The following TARDBP variants were observed in gnomAD, a reference collection of about 807,000 sequenced individuals.
TARDBP encodes the protein TAR DNA-binding protein 43.
A neutral mutation model predicts 38.3 loss-of-function variants in TARDBP; 4 were observed. The observed-to-expected ratio is 0.10, with a 90% confidence interval of 0.05 to 0.24. TARDBP has a LOEUF of 0.24. TARDBP is among the 10% of genes least tolerant of loss of function. The pLI, the probability that TARDBP is intolerant of heterozygous loss-of-function variation, is 1.00. For synonymous variants in TARDBP, 184 were observed against 183.8 expected, an observed-to-expected ratio of 1.00 and a Z score of -0.01; for missense variants, 202 against 521.9, an observed-to-expected ratio of 0.39 and a Z score of 5.97.
At chr1:11,013,583 A>G (rs940971679) in intron 1 of TARDBP, 133 bp from the exon 2 acceptor site, 9 of 722,716 alleles carry the variant, frequency 1.2e-5, no homozygotes, top group African/African-American at 8.7e-5. Context: ...TTTCAGGGAT[A>G]ACCAATGCAT....
chr1:11,020,439 A>G lies in TARDBP; in HGVS notation c.554A>G (p.Asp185Gly). 1 of 1,614,082 alleles carries G rather than the reference A, an allele frequency of 6.2e-7. No individual in the cohort carries two copies. Among genetic ancestry groups the G allele is most frequent in the Non-Finnish European group, 8.5e-7 (1 of 1,180,002 alleles). Residue 185 changes from aspartate (D) to glycine (G), a missense_variant, in exon 5 of 6, where the codon GAT (aspartate) becomes GGT (glycine). By Grantham distance (94) the Asp-to-Gly change is moderately conservative (BLOSUM62 -1). Around this residue, in one of 5 missense-constraint regions of TARDBP, gnomAD observed 71 missense variants for 185.4 expected, o/e 0.38. Transcript: ENST00000240185. ...CKLPNSKQSQ[D>G]EPLRSRKVFV... ...TTTTGATTTGATCAGCAAAGCCAAG[A>G]TGAGCCTTTGAGAAGCAGAAAAGTG...
chr1:11,013,995 G>A, intron 2 of TARDBP, 30 bp downstream of exon 2: 1 of 1,604,834 alleles, frequency 6.2e-7, no homozygotes, highest in Non-Finnish European at 8.5e-7. Flanking sequence ...TTGTAATCAT[G>A]CTGAAGTGTG....
intron 1 of TARDBP, 29 bp from the exon 2 acceptor site, chr1:11,013,687 T>G (rs1158808830): frequency 3.4e-6 from 5 of 1,475,978 alleles, no homozygotes; most frequent in Non-Finnish European, 4.7e-6. Context: ...GACATGAATG[T>G]TGTTCATTCA....
At chr1:11,027,520 T>C, downstream of TARDBP, 1 of 1,614,170 alleles carries the variant, frequency 6.2e-7, no homozygotes, top group Non-Finnish European at 8.5e-7. Context: ...AGGACCCAGT[T>C]GTCATATAAA....
At position 11,013,700 on chromosome 1, in the gene TARDBP, T is replaced by C. The variant is rs377639252; in HGVS notation, c.-12-16T>C. ...CTGACATGAATGTTGTTCATTCATA[T>C]CTCTTTTCTCTTTAGGAAAAGTAAA... On this transcript the variant is annotated splice_polypyrimidine_tract_variant and intron_variant, in intron 1 of 5. Transcript: ENST00000240185. 8.1e-5 allele frequency: 127 copies of C among 1,563,060 alleles called. No homozygotes were observed. The highest frequency in any genetic ancestry group is 1.1e-4 in the Non-Finnish European group (120 of 1,142,746).
chr1:11,027,397 C>G (rs1643755869), downstream of TARDBP: 5 of 1,614,050 alleles, frequency 3.1e-6, no homozygotes, highest in South Asian at 2.2e-5. Context: ...TGTATAAAAA[C>G]AGCTTCAGAC....
chr1:11,015,166 T>A (rs1570713980), intron 2 of TARDBP, among the ~76,000 whole-genome samples: 1 of 151,166 alleles, frequency 6.6e-6, no homozygotes, highest in African/African-American at 2.4e-5. Context: ...CTTCAGCCAG[T>A]GGGTATAGAT....
chr1:11,023,101 TCA>T lies in TARDBP; in HGVS notation c.*450_*451del, dbSNP rs1285724729. On this transcript the variant is annotated 3_prime_UTR_variant, in exon 6 of 6. Coordinates refer to ENST00000240185, the MANE Select transcript of TARDBP (RefSeq NM_007375.4). ...AATCTCCTTTTAGGAGATCATGGTG[TCA>T]CAGTGTTTGGTTCTTTTGTTTTGTT... 9.2e-6 allele frequency: 14 copies of T among 1,522,590 alleles called. No individual in the cohort carries two copies. Among genetic ancestry groups the T allele is most frequent in the Non-Finnish European group, 1.1e-5 (13 of 1,130,722 alleles). The allele number at this position is 1,522,590 out of a possible 1,614,324, so 94.3% of individuals were successfully genotyped here.
At chr1:11,026,797 A>T, downstream of TARDBP, 1 of 1,158,938 alleles carries the variant, frequency 8.6e-7, no homozygotes, top group Non-Finnish European at 1.2e-6. Flanking sequence ...TGTCCACAGT[A>T]ATGATGAATG....
downstream of TARDBP, among the ~76,000 whole-genome samples, chr1:11,029,172 T>G (rs1245078642): frequency 6.6e-6 from 1 of 151,490 alleles, no homozygotes; most frequent in Non-Finnish European, 1.5e-5. Context: ...TTTTGTATTT[T>G]TTTTTTTTTA....
downstream of TARDBP, among the ~76,000 whole-genome samples, chr1:11,028,701 TTTTTC>T (rs775107529): frequency 0.22 from 11,378 of 50,810 alleles, 978 homozygotes; most frequent in African/African-American, 0.47. Flanking sequence ...TTCTGGGTTT[TTTTTC>T]TTTTTTTTTT....
chr1:11,014,045 G>A, intron 2 of TARDBP, 80 bp downstream of exon 2: 1 of 1,413,640 alleles, frequency 7.1e-7, no homozygotes, highest in Non-Finnish European at 1.0e-6. Flanking sequence ...AGCCTCTTTT[G>A]GTGGCAGAAT....
At chr1:11,027,511 G>C (rs1230711399), downstream of TARDBP, 2 of 1,614,170 alleles carry the variant, frequency 1.2e-6, no homozygotes, top group Non-Finnish European at 8.5e-7. Flanking sequence ...GCAGCTGTTA[G>C]GACCCAGTTG....
At position 11,013,697 on chromosome 1, in the gene TARDBP, A is replaced by G. The variant is rs375490347; in HGVS notation, c.-12-19A>G. 62 of 1,555,868 alleles carry G rather than the reference A, an allele frequency of 4.0e-5. No homozygotes were observed. Among genetic ancestry groups the G allele is most frequent in the Non-Finnish European group, 4.9e-5 (56 of 1,136,748 alleles). ...ATTCTGACATGAATGTTGTTCATTC[A>G]TATCTCTTTTCTCTTTAGGAAAAGT... On this transcript the variant is annotated intron_variant, in intron 1 of 5. Coordinates refer to ENST00000240185, the MANE Select transcript of TARDBP (RefSeq NM_007375.4).
At chr1:11,013,245 C>T (rs1261740311) in intron 1 of TARDBP, among the ~76,000 whole-genome samples, 1 of 152,252 alleles carries the variant, frequency 6.6e-6, no homozygotes, top group Non-Finnish European at 1.5e-5. Context: ...ACACCTGGTT[C>T]ACTGCCCATA....
chr1:11,023,278 G>C lies in TARDBP; in HGVS notation c.*624G>C. 3.2e-6 allele frequency: 5 copies of C among 1,547,054 alleles called. No individual in the cohort carries two copies. Among genetic ancestry groups the C allele is most frequent in the Non-Finnish European group, 4.4e-6 (5 of 1,144,362 alleles). ...TCTGCCATAGGAATACTGTCTACATGCTTTCTCATTCAAGAATTCGTCATC... is the reference window on the plus strand; with the variant it reads ...TCTGCCATAGGAATACTGTCTACATCCTTTCTCATTCAAGAATTCGTCATC... On this transcript the variant is annotated 3_prime_UTR_variant, in exon 6 of 6. Coordinates refer to ENST00000240185, the MANE Select transcript of TARDBP (RefSeq NM_007375.4).
chr1:11,028,697 G>GTT (rs1208974169), downstream of TARDBP, among the ~76,000 whole-genome samples: 218 of 36,110 alleles, frequency 6.0e-3, 8 homozygotes, highest in East Asian at 0.057. Context: ...ATCTTTCTGG[G>GTT]TTTTTTTTCT....
rs181715581 is a variant in TARDBP, at chr1:11,023,557, C to G, written c.*903C>G. ...TATTTTTTAACTTGGCGAGATGTGTCTCTCAATCCTGTGGCTTTGGTGAGA... is the reference window on the plus strand; with the variant it reads ...TATTTTTTAACTTGGCGAGATGTGTGTCTCAATCCTGTGGCTTTGGTGAGA... On this transcript the variant is annotated 3_prime_UTR_variant, in exon 6 of 6. Coordinates refer to ENST00000240185, the MANE Select transcript of TARDBP (RefSeq NM_007375.4). 2.4e-6 allele frequency: 1 copy of G among 424,446 alleles called. No homozygotes were observed. Among genetic ancestry groups the G allele is most frequent in the Non-Finnish European group, 4.2e-6 (1 of 238,494 alleles). 26.3% of individuals were successfully genotyped at this position (424,446 alleles called of 1,614,324 possible). A position where few individuals can be genotyped will look rare whatever the true frequency, so the allele number is the denominator to read the frequency against.
Position 11,023,259 on chromosome 1 carries a change from A to G in TARDBP, c.*605A>G, listed in dbSNP as rs575772488. Reference sequence around the variant, plus strand: ...AAAGTAGTGCTGTAAATATTCTGCCATAGGAATACTGTCTACATGCTTTCT... The same window carrying G: ...AAAGTAGTGCTGTAAATATTCTGCCGTAGGAATACTGTCTACATGCTTTCT... On this transcript the variant is annotated 3_prime_UTR_variant, in exon 6 of 6. Coordinates refer to ENST00000240185, the MANE Select transcript of TARDBP (RefSeq NM_007375.4). 3 of 1,550,380 alleles carry G rather than the reference A, an allele frequency of 1.9e-6. No homozygotes were observed. The highest frequency in any genetic ancestry group is 2.6e-6 in the Non-Finnish European group (3 of 1,146,724).
Sources: allele counts gnomAD v4.1 joint callset (sites outside exome capture counted in the v4.1 genomes callset), GRCh38; gene constraint gnomAD v4.1.1; regional missense constraint gnomAD v4.1.1; transcripts MANE v1.5; gene names NCBI Gene and HGNC (gene_info 2026-07-23, HGNC 2026-07-21).